VPS33B: variants seen among roughly 807,000 people sequenced by gnomAD.
VPS33B encodes VPS33B late endosome and lysosome associated.
Under a neutral mutation model 95.3 loss-of-function variants are expected in VPS33B, and 80 were observed. That is an observed-to-expected ratio of 0.84 (90% CI 0.70 to 1.01). The LOEUF is 1.01. Ranked by LOEUF, VPS33B falls within the 50% of genes least tolerant of loss-of-function variation. VPS33B has a pLI of 0.00. For missense variants in VPS33B, 715 were observed against 773.4 expected (o/e 0.92, Z 0.90); for synonymous variants, 280 against 280.4 (o/e 1.00, Z 0.01).
Position 91,002,088 on chromosome 15 carries a change from T to C in VPS33B, c.1367A>G (p.Glu456Gly). ...QAPGDTLTAVESKVSKLVTDK... is the reference protein window; with the variant it reads ...QAPGDTLTAVGSKVSKLVTDK... ...GGTCACCAGCTTGCTCACTTTACTCTCCACGGCTGTGAGGGTGTCCCCGGG... is the reference window on the plus strand; with the variant it reads ...GGTCACCAGCTTGCTCACTTTACTCCCCACGGCTGTGAGGGTGTCCCCGGG... The change falls in exon 18 of 23, where the codon GAG becomes GGG. Residue 456 changes from glutamate (E) to glycine (G), a missense_variant. By Grantham distance (98) the Glu-to-Gly change is moderately conservative. Transcript: ENST00000333371. This position sits in a 1 kb window ranked among gnomAD's most constrained non-coding sequence, Gnocchi z 4.7. 1.9e-6 allele frequency: 3 copies of C among 1,614,132 alleles called. No homozygotes were observed. The highest frequency in any genetic ancestry group is 2.5e-6 in the Non-Finnish European group (3 of 1,180,022).
chr15:91,016,582 C>A (rs1280841470), intron 3 of VPS33B, among the ~76,000 whole-genome samples: 1 of 151,908 alleles, frequency 6.6e-6, no homozygotes, highest in Non-Finnish European at 1.5e-5. Context: ...TGGGGTTTCA[C>A]CATGATAGCT....
rs1723215556 is a variant in VPS33B at position 91,000,813 on chromosome 15, A to T, written c.1480-222T>A. ...CCCATGCGCCATTATTGAATAATGT[A>T]AAGGGGCTGGAGGGATGGCTTCTCC... On this transcript the variant is annotated intron_variant, in intron 19 of 22. Transcript: ENST00000333371. The surrounding 1 kb of genome is among the most constrained non-coding windows in gnomAD (Gnocchi z 4.9). 3 of 518,906 alleles carry T rather than the reference A, an allele frequency of 5.8e-6. No individual in the cohort carries two copies. The highest frequency in any genetic ancestry group is 1.1e-5 in the Non-Finnish European group (3 of 282,160). The allele number at this position is 518,906 out of a possible 1,614,324, so 32.1% of individuals were successfully genotyped here.
At chr15:91,003,413 GGGA>G (rs749407557) in intron 16 of VPS33B, among the ~76,000 whole-genome samples, 1 of 152,134 alleles carries the variant, frequency 6.6e-6, no homozygotes, top group Admixed American at 6.6e-5. Context: ...TGCAGCAGGA[GGGA>G]GGAGAAGTGA....
In VPS33B at chr15:91,013,751, C is replaced by A. The variant is rs767211599; in HGVS notation, c.357+53G>T. 15 of 1,603,056 alleles carry A rather than the reference C, an allele frequency of 9.4e-6. No individual in the cohort carries two copies. In the African/African-American group the frequency reaches 1.7e-4, roughly 19 times the overall value. ...GTGCTGTTGGCCCCTTACCCCTGCC[C>A]GGTCCTCAGTCCTGTTCTACCTTAT... On this transcript the variant is annotated intron_variant, in intron 5 of 22. Transcript: ENST00000333371. This position sits in a 1 kb window ranked among gnomAD's most constrained non-coding sequence, Gnocchi z 4.5.
intron 3 of VPS33B, 129 bp from the exon 4 acceptor site, chr15:91,014,562 C>A: frequency 9.8e-7 from 1 of 1,021,270 alleles, no homozygotes; most frequent in South Asian, 1.3e-5. Flanking sequence ...CAAAGCTATG[C>A]TATTCTCTTG....
chr15:91,017,691 T>C (rs2040982271), intron 2 of VPS33B, 114 bp downstream of exon 2: 1 of 1,018,702 alleles, frequency 9.8e-7, no homozygotes, highest in South Asian at 1.4e-5. Context: ...TCTACCCAAT[T>C]AAGCTACCCT....
chr15:91,015,858 T>A lies in VPS33B; in HGVS notation c.239+1105A>T, dbSNP rs895893429. Among the ~76,000 whole-genome samples the A allele has an allele frequency of 6.6e-6, 1 of 151,942 alleles. No individual in the cohort carries two copies. Among genetic ancestry groups the A allele is most frequent in the Non-Finnish European group, 1.5e-5 (1 of 68,002 alleles). ...AAATAAATAAATTTAATTAAAAAAA[T>A]TTAAATATAAGAAAGTAATAGAAAA... On this transcript the variant is annotated intron_variant, in intron 3 of 22. Coordinates refer to ENST00000333371, the MANE Select transcript of VPS33B (RefSeq NM_018668.5). The surrounding 1 kb of genome is among the most constrained non-coding windows in gnomAD (Gnocchi z 4.7).
rs2040596286 is a variant in VPS33B, at chr15:91,006,155, G to A, written c.853-96C>T. Reference sequence around the variant, plus strand: ...GGAAGGGTACTCAGGTGTTCTGGCAGAAATACAAAGAAAGCTGAGCTGGGA... The same window carrying A: ...GGAAGGGTACTCAGGTGTTCTGGCAAAAATACAAAGAAAGCTGAGCTGGGA... On this transcript the variant is annotated intron_variant, in intron 11 of 22. Transcript: ENST00000333371. This position sits in a 1 kb window ranked among gnomAD's most constrained non-coding sequence, Gnocchi z 5.4. 1.4e-6 allele frequency: 2 copies of A among 1,426,176 alleles called. No homozygotes were observed. The highest frequency in any genetic ancestry group is 1.9e-5 in the Admixed American group (1 of 53,984). 88.3% of individuals were successfully genotyped at this position (1,426,176 alleles called of 1,614,324 possible). A position where few individuals can be genotyped will look rare whatever the true frequency, so the allele number is the denominator to read the frequency against.
chr15:91,014,237 A>G, intron 4 of VPS33B, 147 bp downstream of exon 4: 1 of 870,620 alleles, frequency 1.1e-6, no homozygotes, highest in Non-Finnish European at 1.8e-6. Flanking sequence ...AAAAAAAAAA[A>G]AAAAAGAAGC....
chr15:91,019,412 C>A (rs1209575805), intron 1 of VPS33B, among the ~76,000 whole-genome samples: 1 of 152,060 alleles, frequency 6.6e-6, no homozygotes, highest in East Asian at 1.9e-4. Context: ...TGAGCCACCA[C>A]GTTTGGCCTT....
chr15:90,998,549 A>T (rs2040339809), downstream of VPS33B: 1 of 291,456 alleles, frequency 3.4e-6, no homozygotes. The surrounding 1 kb of genome is among the most constrained non-coding windows in gnomAD (Gnocchi z 4.8). Context: ...TTTACAGGGA[A>T]GAACCAGACC....
intron 18 of VPS33B, among the ~76,000 whole-genome samples, 169 bp from the exon 19 acceptor site, chr15:91,001,631 C>G (rs2040441291): frequency 6.6e-6 from 1 of 152,172 alleles, no homozygotes. Context: ...ACCCTTCTCC[C>G]CACCCACAGT....
chr15:91,002,653 AAAAG>A lies in VPS33B; in HGVS notation c.1272+428_1272+431del, dbSNP rs920922316. 6.0e-5 allele frequency among the ~76,000 whole-genome samples: 9 copies of A among 150,178 alleles called. No homozygotes were observed. Among genetic ancestry groups the A allele is most frequent in the African/African-American group, 2.2e-4 (9 of 40,712 alleles). On this transcript the variant is annotated intron_variant, in intron 17 of 22. Coordinates refer to ENST00000333371, the MANE Select transcript of VPS33B (RefSeq NM_018668.5). The surrounding 1 kb of genome is among the most constrained non-coding windows in gnomAD (Gnocchi z 4.7). The stretch of plus-strand genomic sequence containing the variant: ...TCGAAATAAAAAAAAAAAAAAAAAG[AAAAG>A]AAATAATTAGCACCAAACAAAGAAG...
At chr15:91,003,646 G>T (rs1255444191) in intron 16 of VPS33B, among the ~76,000 whole-genome samples, 1 of 152,052 alleles carries the variant, frequency 6.6e-6, no homozygotes, top group Admixed American at 6.5e-5. Context: ...CACTATGTTG[G>T]TCAGGCTGGT....
chr15:91,005,681 A>T lies in VPS33B; in HGVS notation c.1030+13T>A. On this transcript the variant is annotated intron_variant, in intron 13 of 22. Transcript: ENST00000333371. This position sits in a 1 kb window ranked among gnomAD's most constrained non-coding sequence, Gnocchi z 6.4. ...CAGTCACTTCCCCTCACGCCCCTCA[A>T]GCTGAAACCTACGGAGACTCAGCAG... The T allele has an allele frequency of 1.2e-6, 2 of 1,614,072 alleles. No homozygotes were observed. The highest frequency in any genetic ancestry group is 1.7e-6 in the Non-Finnish European group (2 of 1,179,982).
chr15:91,005,794 A>G lies in VPS33B; in HGVS notation c.940-10T>C. On this transcript the variant is annotated splice_polypyrimidine_tract_variant and intron_variant, in intron 12 of 22. Transcript: ENST00000333371. The surrounding 1 kb of genome is among the most constrained non-coding windows in gnomAD (Gnocchi z 6.4). ...CCATGCCTCTCCGGCGCTGTGGGAA[A>G]ATTCCCAAAGGTGAACCCCCCAACC... The G allele has an allele frequency of 6.2e-7, 1 of 1,614,138 alleles. No individual in the cohort carries two copies. The highest frequency in any genetic ancestry group is 8.5e-7 in the Non-Finnish European group (1 of 1,180,014).
In VPS33B at chr15:90,999,071, A is replaced by G. The variant is rs1271870553; in HGVS notation, c.1775-17T>C. The G allele has an allele frequency of 5.6e-6, 9 of 1,613,610 alleles. No individual in the cohort carries two copies. Among genetic ancestry groups the G allele is most frequent in the East Asian group, 2.2e-5 (1 of 44,886 alleles). On this transcript the variant is annotated splice_polypyrimidine_tract_variant and intron_variant, in intron 22 of 22. Transcript: ENST00000333371. The surrounding 1 kb of genome is among the most constrained non-coding windows in gnomAD (Gnocchi z 5.1). ...ACCTGTAGCCTAAGGAGTCAAATGC[A>G]GCAGCAGAAGAGACAGCACAGATCT...
rs796637381 is a variant in VPS33B, at chr15:91,016,375, C to CTTTTTTTT, written c.239+580_239+587dup. On this transcript the variant is annotated intron_variant, in intron 3 of 22. Transcript: ENST00000333371. ...GTAATAAGAGGCCTTGCAGATTCTT[C>CTTTTTTTT]TTTTTTTTTTTTTTTTTTTTTTTTT... Among the ~76,000 whole-genome samples the CTTTTTTTT allele has an allele frequency of 8.4e-4, 81 of 96,010 alleles. 3 individuals are homozygous for CTTTTTTTT. Among genetic ancestry groups the CTTTTTTTT allele is most frequent in the African/African-American group, 3.0e-3 (71 of 23,656 alleles). 63.0% of individuals were successfully genotyped at this position (96,010 alleles called of 152,430 possible).
At chr15:91,020,629 C>T (rs2151687353) in intron 1 of VPS33B, among the ~76,000 whole-genome samples, 1 of 152,238 alleles carries the variant, frequency 6.6e-6, no homozygotes, top group South Asian at 2.1e-4. Context: ...GCCTATAATC[C>T]CAGCACTTTG....
Sources: allele counts gnomAD v4.1 joint callset (sites outside exome capture counted in the v4.1 genomes callset), GRCh38; gene constraint gnomAD v4.1.1; non-coding constraint Gnocchi (gnomAD v3.1); transcripts MANE v1.5; gene names NCBI Gene and HGNC (gene_info 2026-07-23, HGNC 2026-07-21).